The following JUP variants were observed in gnomAD, a reference collection of about 807,000 sequenced individuals.
JUP encodes catenin (cadherin-associated protein), gamma 80kDa.
A neutral mutation model predicts 71.1 loss-of-function variants in JUP; 28 were observed. The observed-to-expected ratio is 0.39, with a 90% CI of 0.29 to 0.54. JUP has a LOEUF of 0.54. Among genes scored for constraint, JUP ranks in the 20% least tolerant of loss-of-function variants. JUP has a pLI of 0.62. For synonymous variants in JUP, 401 were observed against 438.9 expected, an observed-to-expected ratio of 0.91 and a Z score of 1.08; for missense variants, 869 against 1,030.1, an observed-to-expected ratio of 0.84 and a Z score of 2.14.
At chr17:41,765,600 G>A (rs1009913101) in intron 5 of JUP, among the ~76,000 whole-genome samples, 5 of 149,434 alleles carry the variant, frequency 3.3e-5, no homozygotes, top group Non-Finnish European at 5.9e-5. Context: ...CAATTCACCC[G>A]CCTCTGCCTC....
chr17:41,785,173 A>G (rs1481238895), intron 1 of JUP: 1 of 152,088 alleles, frequency 6.6e-6, no homozygotes, highest in Non-Finnish European at 1.5e-5. Flanking sequence ...ACAATTCAGA[A>G]ATCAAATGGA....
intron 2 of JUP, among the ~76,000 whole-genome samples, chr17:41,770,724 G>A (rs1227225584): frequency 2.0e-5 from 3 of 152,238 alleles, no homozygotes; most frequent in Non-Finnish European, 4.4e-5. Context: ...CAGAGGGGCA[G>A]GGGAGGCTTG....
intron 8 of JUP, among the ~76,000 whole-genome samples, chr17:41,762,443 T>G (rs1430304918): frequency 1.3e-5 from 2 of 151,974 alleles, no homozygotes; most frequent in South Asian, 4.1e-4. Context: ...CAGGCTGGAG[T>G]GCACTGATGC....
At chr17:41,771,974 G>A in intron 1 of JUP, 112 bp from the exon 2 acceptor site, 1 of 947,714 alleles carries the variant, frequency 1.1e-6, no homozygotes, top group Non-Finnish European at 1.6e-6. Flanking sequence ...ATGGCCCAGG[G>A]ATTTCAATGA....
Position 41,771,834 on chromosome 17 carries a change from C to G in JUP, c.21G>C (p.Met7Ile), listed in dbSNP as rs782076076. 9.3e-6 allele frequency: 15 copies of G among 1,612,876 alleles called. No homozygotes were observed. The Admixed American group carries it at 2.5e-4, about 27-fold the overall frequency. Residue 7 changes from methionine to isoleucine, a missense_variant, in exon 2 of 14, where the codon ATG (methionine) becomes ATC (isoleucine). Coordinates refer to ENST00000393931, the MANE Select transcript of JUP (RefSeq NM_002230.4). ...ACTCAGTCACCTTGATAGGCTGCTC[C>G]ATCAGGTTCATCACCTCCATCGTGG... MEVMNLMEQPIKVTEWQ... is the reference protein window; with the variant it reads MEVMNLIEQPIKVTEWQ...
intron 1 of JUP, among the ~76,000 whole-genome samples, chr17:41,779,064 G>A (rs1196610415): frequency 6.7e-6 from 1 of 149,818 alleles, no homozygotes; most frequent in East Asian, 2.0e-4. Context: ...GTGAAACCCC[G>A]TCTCTACTAA....
intron 8 of JUP, among the ~76,000 whole-genome samples, chr17:41,760,693 T>G (rs1914667356): frequency 6.6e-6 from 1 of 152,176 alleles, no homozygotes; most frequent in South Asian, 2.1e-4. Flanking sequence ...TCCGAGTAGC[T>G]GAGATTACAG....
intron 1 of JUP, among the ~76,000 whole-genome samples, chr17:41,784,427 G>A (rs1164844637): frequency 6.6e-6 from 1 of 152,062 alleles, no homozygotes; most frequent in East Asian, 1.9e-4. Context: ...TCCAGTCAGT[G>A]GCCAGTTTTC....
chr17:41,771,991 A>G, intron 1 of JUP, 129 bp from the exon 2 acceptor site: 2 of 881,282 alleles, frequency 2.3e-6, no homozygotes, highest in South Asian at 2.8e-5. Context: ...ATGAGGATGC[A>G]GGCTGGGGAT....
At chr17:41,781,338 G>A (rs2047153636) in intron 1 of JUP, among the ~76,000 whole-genome samples, 1 of 151,440 alleles carries the variant, frequency 6.6e-6, no homozygotes. Context: ...CTGGGTGACA[G>A]AGTGAGAGAC....
chr17:41,766,418 A>AT (rs869089413), intron 5 of JUP, among the ~76,000 whole-genome samples: 6 of 152,022 alleles, frequency 3.9e-5, no homozygotes, highest in Non-Finnish European at 2.9e-5. Context: ...GCAAAAAAAA[A>AT]TTTTTTTTAA....
At position 41,769,594 on chromosome 17, in the gene JUP, T is replaced by C; in HGVS notation, c.292A>G (p.Ser98Gly). ...ACCTGGGTGGCCAGCAGAAGCGAGC[T>C]GTCCTCGCCTGACACACCAGGGCAC... ...AMCPGVSGEDSSLLLATQVEG... is the reference protein window; with the variant it reads ...AMCPGVSGEDGSLLLATQVEG... Residue 98 changes from serine (S) to glycine (G), a missense_variant, in exon 3 of 14, where the codon AGC becomes GGC. Transcript: ENST00000393931. The C allele has an allele frequency of 6.2e-7, 1 of 1,605,266 alleles. No individual in the cohort carries two copies. The highest frequency in any genetic ancestry group is 1.3e-5 in the African/African-American group (1 of 75,032).
intron 1 of JUP, among the ~76,000 whole-genome samples, chr17:41,776,937 C>T (rs1047185923): frequency 2.6e-5 from 4 of 151,912 alleles, no homozygotes; most frequent in African/African-American, 7.2e-5. Flanking sequence ...ACCTGGGAGG[C>T]GGAGGTTGCA....
At position 41,762,972 on chromosome 17, in the gene JUP, A is replaced by G; in HGVS notation, c.1497+11T>C. 6.2e-7 allele frequency: 1 copy of G among 1,612,590 alleles called. No individual in the cohort carries two copies. On this transcript the variant is annotated intron_variant, in intron 8 of 13. Coordinates refer to ENST00000393931, the MANE Select transcript of JUP (RefSeq NM_002230.4). ...TGCAGGGAGCTCCTTCCCCTCGCCTAACAGCAGTACCTTGACCAGTGGCCA... is the reference window on the plus strand; with the variant it reads ...TGCAGGGAGCTCCTTCCCCTCGCCTGACAGCAGTACCTTGACCAGTGGCCA...
At chr17:41,775,637 A>T (rs1296005263) in intron 1 of JUP, among the ~76,000 whole-genome samples, 1 of 152,192 alleles carries the variant, frequency 6.6e-6, no homozygotes, top group Non-Finnish European at 1.5e-5. Context: ...GGACAGAGAC[A>T]GGGCGGGTTT....
At chr17:41,772,777 G>T in intron 1 of JUP, 1 of 984,458 alleles carries the variant, frequency 1.0e-6, no homozygotes, top group Non-Finnish European at 1.2e-6. Flanking sequence ...GGTCACTGCC[G>T]TCAGGAACCC....
At chr17:41,758,955 CCTT>C in intron 8 of JUP, 85 bp from the exon 9 acceptor site, 1 of 1,388,682 alleles carries the variant, frequency 7.2e-7, no homozygotes, top group South Asian at 1.4e-5. Flanking sequence ...TCCCTTCCCT[CCTT>C]CACCTCTTCT....
At chr17:41,780,303 G>A (rs148870511) in intron 1 of JUP, among the ~76,000 whole-genome samples, 58 of 151,736 alleles carry the variant, frequency 3.8e-4, no homozygotes, top group African/African-American at 1.4e-3. Context: ...GAGGCTGGGC[G>A]GGAGGATTGC....
chr17:41,776,814 G>C (rs542792385), intron 1 of JUP, among the ~76,000 whole-genome samples: 1 of 152,278 alleles, frequency 6.6e-6, no homozygotes, highest in East Asian at 1.9e-4. Context: ...AGACCAGCCT[G>C]GCCAACATAG....
Sources: allele counts gnomAD v4.1 joint callset (sites outside exome capture counted in the v4.1 genomes callset), GRCh38; gene constraint gnomAD v4.1.1; transcripts MANE v1.5; gene names NCBI Gene and HGNC (gene_info 2026-07-23, HGNC 2026-07-21).